Variants in ATRNL1 observed in about 807,000 individuals in gnomAD.
ATRNL1 encodes attractin like 1, also known as attractin-like protein 1.
ATRNL1 carries 95 observed loss-of-function variants against 182.7 expected under a neutral mutation model. The ratio of observed to expected loss-of-function variants is 0.52; its 90% confidence interval spans 0.44 to 0.62. The LOEUF (loss-of-function observed/expected upper bound fraction) is 0.62. Among genes scored for constraint, ATRNL1 ranks in the 20% least tolerant of loss-of-function variants. The probability of loss-of-function intolerance (pLI) is 0.00; values close to 1 mark genes in which losing one functional copy is unlikely to be tolerated. For synonymous variants in ATRNL1, 576 were observed against 568.3 expected, an observed-to-expected ratio of 1.01 and a Z score of -0.19; for missense variants, 1,471 against 1,679.5, an observed-to-expected ratio of 0.88 and a Z score of 2.17.
chr10:115,313,898 A>C (rs1854162756), intron 17 of ATRNL1, among the ~76,000 whole-genome samples: 1 of 152,176 alleles, frequency 6.6e-6, no homozygotes, highest in Non-Finnish European at 1.5e-5. Context: ...TATTGATAGC[A>C]TAGTAACCCA....
At chr10:115,099,269 TCTA>T (rs2085099656) in intron 1 of ATRNL1, among the ~76,000 whole-genome samples, 1 of 152,240 alleles carries the variant, frequency 6.6e-6, no homozygotes, top group Non-Finnish European at 1.5e-5. Flanking sequence ...AGTAGTTTAT[TCTA>T]CTGCCGAATA....
chr10:115,717,837 A>G (rs1947305586), intron 26 of ATRNL1, among the ~76,000 whole-genome samples: 1 of 151,992 alleles, frequency 6.6e-6, no homozygotes, highest in Non-Finnish European at 1.5e-5. Context: ...TACAGGCGTG[A>G]GCCACCTCAC....
intron 19 of ATRNL1, among the ~76,000 whole-genome samples, chr10:115,368,402 C>T (rs1465644577): frequency 1.3e-5 from 2 of 152,176 alleles, no homozygotes; most frequent in Non-Finnish European, 2.9e-5. Context: ...TGCACGCACC[C>T]ACTGACCTGC....
intron 19 of ATRNL1, among the ~76,000 whole-genome samples, chr10:115,381,234 A>G (rs892325415): frequency 2.0e-5 from 3 of 151,630 alleles, no homozygotes; most frequent in Non-Finnish European, 4.4e-5. Flanking sequence ...GACTTTTTTT[A>G]GTTGGGTATT....
intron 10 of ATRNL1, among the ~76,000 whole-genome samples, chr10:115,260,109 A>T (rs1851332984): frequency 6.6e-6 from 1 of 152,170 alleles, no homozygotes; most frequent in African/African-American, 2.4e-5. Context: ...TTTTATTATT[A>T]TTTGCCTAAA....
At chr10:115,813,661 T>C (rs1001693362) in intron 27 of ATRNL1, among the ~76,000 whole-genome samples, 1 of 152,168 alleles carries the variant, frequency 6.6e-6, no homozygotes, top group African/African-American at 2.4e-5. Context: ...CACAACAAAG[T>C]GCATCACCAT....
At chr10:115,623,666 G>T (rs1857916432) in intron 26 of ATRNL1, among the ~76,000 whole-genome samples, 1 of 151,826 alleles carries the variant, frequency 6.6e-6, no homozygotes, top group South Asian at 2.1e-4. Context: ...TAAATAGTGG[G>T]GGTAAACAAA....
intron 17 of ATRNL1, among the ~76,000 whole-genome samples, chr10:115,307,785 G>T (rs1853807431): frequency 6.6e-6 from 1 of 152,132 alleles, no homozygotes. Context: ...TAGGGACTAG[G>T]AGTAAAATGA....
chr10:115,135,588 A>T (rs1845469268), intron 5 of ATRNL1, among the ~76,000 whole-genome samples: 1 of 152,222 alleles, frequency 6.6e-6, no homozygotes, highest in South Asian at 2.1e-4. Context: ...AGGAATCAAT[A>T]TTGTGAAAAT....
chr10:115,917,019 T>C (rs560309936), intron 28 of ATRNL1, among the ~76,000 whole-genome samples: 1 of 152,324 alleles, frequency 6.6e-6, no homozygotes, highest in East Asian at 1.9e-4. Context: ...AGAGAGCTGC[T>C]ATATACAGCC....
At chr10:115,695,740 C>T (rs1337163551) in intron 26 of ATRNL1, among the ~76,000 whole-genome samples, 1 of 152,044 alleles carries the variant, frequency 6.6e-6, no homozygotes, top group South Asian at 2.1e-4. Flanking sequence ...AATTCATTGA[C>T]TATTCCCAGC....
At chr10:115,644,625 G>GA (rs781916197) in intron 26 of ATRNL1, among the ~76,000 whole-genome samples, 22 of 152,140 alleles carry the variant, frequency 1.4e-4, no homozygotes, top group Non-Finnish European at 2.5e-4. Flanking sequence ...AGACGTTAAA[G>GA]ATAAATTTGG....
intron 10 of ATRNL1, among the ~76,000 whole-genome samples, chr10:115,258,878 G>A (rs1369513166): frequency 6.6e-6 from 1 of 152,170 alleles, no homozygotes; most frequent in African/African-American, 2.4e-5. Flanking sequence ...AGGTCCCTCA[G>A]CTGCAAGTCT....
At chr10:115,879,305 C>CAAAAAAAAA (rs140716871) in intron 28 of ATRNL1, among the ~76,000 whole-genome samples, 1,398 of 108,004 alleles carry the variant, frequency 0.013, 68 homozygotes, top group East Asian at 0.088. Context: ...CTCTCTATCT[C>CAAAAAAAAA]AAAAAAAAAA....
chr10:115,192,096 G>A (rs1334974281), intron 8 of ATRNL1, among the ~76,000 whole-genome samples: 1 of 151,822 alleles, frequency 6.6e-6, no homozygotes, highest in Non-Finnish European at 1.5e-5. Context: ...GATTTTTTTA[G>A]CTTGATGTGA....
At chr10:115,199,163 T>G (rs1160252667) in intron 8 of ATRNL1, among the ~76,000 whole-genome samples, 4 of 152,180 alleles carry the variant, frequency 2.6e-5, no homozygotes, top group Non-Finnish European at 4.4e-5. Flanking sequence ...TATTTGTGTC[T>G]TTTTCAATTT....
intron 18 of ATRNL1, among the ~76,000 whole-genome samples, chr10:115,326,865 A>G (rs1238083473): frequency 6.6e-6 from 1 of 152,192 alleles, no homozygotes; most frequent in Non-Finnish European, 1.5e-5. Context: ...TGGTTCTGGG[A>G]AAACTGGCTA....
chr10:115,439,235 AG>A (rs1247247060), intron 21 of ATRNL1, among the ~76,000 whole-genome samples: 1 of 151,792 alleles, frequency 6.6e-6, no homozygotes, highest in Non-Finnish European at 1.5e-5. Flanking sequence ...CCTGTCTCAG[AG>A]GTGGCACAGG....
chr10:115,540,757 A>T (rs1852307483), intron 25 of ATRNL1, among the ~76,000 whole-genome samples: 1 of 60,432 alleles, frequency 1.7e-5, no homozygotes, highest in Non-Finnish European at 3.5e-5. Flanking sequence ...AACTCCGTCT[A>T]AAAAAAAAAA....
Sources: gnomAD v4.1 joint callset for allele counts (sites outside exome capture counted in the v4.1 genomes callset) on GRCh38, gnomAD v4.1.1 for gene constraint, MANE v1.5 for transcripts, NCBI Gene and HGNC (gene_info 2026-07-23, HGNC 2026-07-21) for gene names.